Variants in PAG1 observed in about 807,000 individuals in gnomAD.
PAG1 encodes the protein phosphoprotein membrane anchor with glycosphingolipid microdomains 1.
In PAG1, 23 loss-of-function variants were observed where a neutral mutation model predicts 31.7. The observed-to-expected ratio is 0.73, with a 90% CI of 0.52 to 1.03. The LOEUF is 1.03. Ranked by LOEUF, PAG1 falls within the 50% of genes least tolerant of loss-of-function variation. The pLI is 0.00. For missense variants in PAG1, 473 were observed against 540.7 expected (o/e 0.87, Z 1.24); for synonymous variants, 214 against 210.3 (o/e 1.02, Z -0.15).
At position 80,985,306 on chromosome 8, in the gene PAG1, G is replaced by A. The variant is rs752928461; in HGVS notation, c.346C>T (p.Leu116=). 4 of 1,614,174 alleles carry A rather than the reference G, an allele frequency of 2.5e-6. No individual in the cohort carries two copies. The highest frequency in any genetic ancestry group is 3.3e-5 in the Admixed American group (2 of 60,020). ...EEVQTSASDL[L]DSQDSTGKPK... Reference sequence around the variant, plus strand: ...TTCCCTGTGCTGTCCTGGGAATCCAGCAGATCCGAGGCCGATGTCTGGACT... The same window carrying A: ...TTCCCTGTGCTGTCCTGGGAATCCAACAGATCCGAGGCCGATGTCTGGACT... The change falls in exon 7 of 9, where the codon CTG becomes TTG. Residue 116 remains leucine (L), a synonymous_variant. Coordinates refer to ENST00000220597, the MANE Select transcript of PAG1 (RefSeq NM_018440.4).
In PAG1 at chr8:80,984,780, T is replaced by C. The variant is rs761345912; in HGVS notation, c.872A>G (p.Asn291Ser). Residue 291 changes from asparagine (N) to serine (S), a missense_variant, in exon 7 of 9, where the codon AAC becomes AGC. Asn to Ser is a conservative substitution (Grantham distance 46). Coordinates refer to ENST00000220597, the MANE Select transcript of PAG1 (RefSeq NM_018440.4). ...ESATDTTSET[N>S]KRFSSLSYKS... ...AACAAAAACGCCAGTGCCCACCTTG[T>C]TAGTTTCACTGGTCGTGTCTGTGGC... The C allele has an allele frequency of 1.9e-6, 3 of 1,612,656 alleles. No individual in the cohort carries two copies. The highest frequency in any genetic ancestry group is 2.5e-6 in the Non-Finnish European group (3 of 1,179,206).
At chr8:81,003,379 T>C (rs1807821816) in intron 3 of PAG1, among the ~76,000 whole-genome samples, 1 of 152,168 alleles carries the variant, frequency 6.6e-6, no homozygotes. Context: ...ATGCTGAAGG[T>C]TATACAGCCG....
intron 3 of PAG1, among the ~76,000 whole-genome samples, chr8:81,013,570 C>T (rs1200203976): frequency 6.6e-6 from 1 of 152,204 alleles, no homozygotes; most frequent in Non-Finnish European, 1.5e-5. Flanking sequence ...TCCAACTCAA[C>T]ATCAAGTTCC....
intron 3 of PAG1, among the ~76,000 whole-genome samples, chr8:81,008,341 T>A (rs1203932894): frequency 6.6e-6 from 1 of 152,038 alleles, no homozygotes; most frequent in Non-Finnish European, 1.5e-5. Flanking sequence ...TCACTAGTAG[T>A]CACTGGTAAC....
At chr8:81,006,574 G>A (rs1400134235) in intron 3 of PAG1, among the ~76,000 whole-genome samples, 2 of 152,176 alleles carry the variant, frequency 1.3e-5, no homozygotes, top group Non-Finnish European at 2.9e-5. Flanking sequence ...TCCTTAGAAA[G>A]CCATGGAGCC....
intron 3 of PAG1, among the ~76,000 whole-genome samples, chr8:81,016,054 T>C (rs1292184361): frequency 6.6e-6 from 1 of 152,170 alleles, no homozygotes; most frequent in Non-Finnish European, 1.5e-5. Context: ...GTTGTCCTTA[T>C]TGTTCCCCCA....
intron 3 of PAG1, among the ~76,000 whole-genome samples, chr8:81,026,754 G>A (rs1808288207): frequency 6.6e-6 from 1 of 152,146 alleles, no homozygotes; most frequent in South Asian, 2.1e-4. Context: ...TGTCTTCCAG[G>A]GACCTGCCAG....
chr8:81,049,422 T>C (rs369014848), intron 2 of PAG1, among the ~76,000 whole-genome samples: 44 of 152,304 alleles, frequency 2.9e-4, no homozygotes, highest in African/African-American at 1.0e-3. Context: ...TAGTTGTCTA[T>C]ATATGTTTTT....
At chr8:81,027,284 G>A (rs1251393178) in intron 3 of PAG1, among the ~76,000 whole-genome samples, 3 of 152,130 alleles carry the variant, frequency 2.0e-5, no homozygotes, top group African/African-American at 7.2e-5. Flanking sequence ...ATTTAGGCAT[G>A]AGCCACCACA....
intron 2 of PAG1, among the ~76,000 whole-genome samples, chr8:81,038,787 A>G (rs1477227774): frequency 6.6e-6 from 1 of 152,182 alleles, no homozygotes. Flanking sequence ...ACACTCTCGC[A>G]TGACTTAGGG....
intron 3 of PAG1, among the ~76,000 whole-genome samples, chr8:81,003,123 C>T (rs1303118459): frequency 2.0e-5 from 3 of 152,126 alleles, no homozygotes; most frequent in Admixed American, 6.5e-5. Flanking sequence ...CTCAGACACT[C>T]GGGGGTGGCG....
In PAG1 at chr8:80,984,835, C is replaced by T. The variant is rs1425404914; in HGVS notation, c.817G>A (p.Glu273Lys). 5.0e-6 allele frequency: 8 copies of T among 1,614,068 alleles called. No individual in the cohort carries two copies. Among genetic ancestry groups the T allele is most frequent in the Non-Finnish European group, 6.8e-6 (8 of 1,179,930 alleles). The change falls in exon 7 of 9, where the codon GAG becomes AAG. Residue 273 changes from glutamate to lysine, a missense_variant. Physicochemically the swap from Glu to Lys is moderately conservative, Grantham distance 56 (BLOSUM62 1). Coordinates refer to ENST00000220597, the MANE Select transcript of PAG1 (RefSeq NM_018440.4). ...KLLDENENLQ[E>K]KEGGEAEESA... ...TCTTCCGCCTCTCCCCCTTCCTTCT[C>T]CTGAAGGTTTTCATTCTCGTCCAGA...
chr8:81,085,622 T>C (rs1290872569), intron 1 of PAG1, among the ~76,000 whole-genome samples: 2 of 152,104 alleles, frequency 1.3e-5, no homozygotes, highest in African/African-American at 4.8e-5. Context: ...CAGAGAGGAA[T>C]AGAGGAATAT....
intron 3 of PAG1, among the ~76,000 whole-genome samples, chr8:81,026,481 G>A (rs765670605): frequency 2.0e-5 from 3 of 149,548 alleles, no homozygotes; most frequent in African/African-American, 5.0e-5. Context: ...GCCCTTGCAC[G>A]CCTTGCTTTA....
intron 2 of PAG1, among the ~76,000 whole-genome samples, chr8:81,035,804 A>G (rs1288895886): frequency 6.6e-6 from 1 of 152,082 alleles, no homozygotes; most frequent in Non-Finnish European, 1.5e-5. Context: ...CTGTCCACCC[A>G]CATTATTTAG....
At chr8:80,994,241 G>A (rs1248180515) in intron 3 of PAG1, among the ~76,000 whole-genome samples, 1 of 152,122 alleles carries the variant, frequency 6.6e-6, no homozygotes, top group Non-Finnish European at 1.5e-5. Flanking sequence ...TATTTATTCT[G>A]AGTATGTTAT....
At chr8:81,088,984 A>T (rs1809403730) in intron 1 of PAG1, among the ~76,000 whole-genome samples, 1 of 152,224 alleles carries the variant, frequency 6.6e-6, no homozygotes, top group African/African-American at 2.4e-5. Context: ...CTGTAATTTA[A>T]TATGCTAAAT....
intron 3 of PAG1, among the ~76,000 whole-genome samples, chr8:81,016,096 C>T (rs528453915): frequency 6.6e-6 from 1 of 152,302 alleles, no homozygotes; most frequent in South Asian, 2.1e-4. Context: ...GCAGAGACAT[C>T]TAGCTGACTG....
intron 6 of PAG1, among the ~76,000 whole-genome samples, chr8:80,985,752 TGACC>T (rs1447492694): frequency 4.6e-5 from 7 of 152,210 alleles, no homozygotes; most frequent in Admixed American, 2.6e-4. Flanking sequence ...GCATGTGCAG[TGACC>T]ACAGTCCCCA....
Sources: gnomAD v4.1 joint callset for allele counts (sites outside exome capture counted in the v4.1 genomes callset) on GRCh38, gnomAD v4.1.1 for gene constraint, MANE v1.5 for transcripts, NCBI Gene and HGNC (gene_info 2026-07-23, HGNC 2026-07-21) for gene names.